Variants in GRHPR observed in about 807,000 individuals in gnomAD.
GRHPR encodes the protein glyoxylate and hydroxypyruvate reductase.
A neutral mutation model predicts 36.8 loss-of-function variants in GRHPR; 35 were observed. That is an observed-to-expected ratio of 0.95 (90% CI 0.73 to 1.26). The LOEUF is 1.26. Ranked by LOEUF, GRHPR falls within the 50% of genes most tolerant of loss-of-function variation. The probability of loss-of-function intolerance (pLI) is 0.00; values close to 1 mark genes in which losing one functional copy is unlikely to be tolerated. For synonymous variants in GRHPR, 179 were observed against 181.0 expected (o/e 0.99, Z 0.09); for missense variants, 380 against 435.0 (o/e 0.87, Z 1.12).
intron 4 of GRHPR, 85 bp from the exon 5 acceptor site, chr9:37,428,399 A>G (rs1823185181): frequency 1.1e-6 from 1 of 881,228 alleles, no homozygotes. Flanking sequence ...TATACCTTGG[A>G]CCACAGTCAG....
chr9:37,437,003 C>T (rs1016952157), downstream of GRHPR: 2 of 502,676 alleles, frequency 4.0e-6, no homozygotes, highest in African/African-American at 3.9e-5. Flanking sequence ...CCGTCTTGGC[C>T]TGTAAATGGG....
Position 37,435,508 on chromosome 9 carries a change from A to C in GRHPR, c.866-1153A>C, listed in dbSNP as rs145582246. 7.5e-4 allele frequency among the ~76,000 whole-genome samples: 114 copies of C among 152,232 alleles called. 1 individual carries two copies. The Middle Eastern group carries it at 0.014, about 18-fold the overall frequency. The stretch of plus-strand genomic sequence containing the variant: ...AAGCTCTGGTTTGGGGTCCATGTTC[A>C]TGCTGGCTCTCAGTTTGATCAGATG... On this transcript the variant is annotated intron_variant, in intron 8 of 8. Coordinates refer to ENST00000318158, the MANE Select transcript of GRHPR (RefSeq NM_012203.2).
At chr9:37,431,611 CA>C (rs1823371203) in intron 7 of GRHPR, 1 of 267,266 alleles carries the variant, frequency 3.7e-6, no homozygotes, top group East Asian at 9.6e-5. Context: ...GTCTGGGGGT[CA>C]ACCAGATCAG....
At chr9:37,431,836 A>C (rs1402593334) in intron 7 of GRHPR, 172 bp from the exon 8 acceptor site, 1 of 632,336 alleles carries the variant, frequency 1.6e-6, no homozygotes, top group African/African-American at 1.8e-5. Flanking sequence ...GCAGGGCTGG[A>C]GTTCTCTGAG....
intron 4 of GRHPR, among the ~76,000 whole-genome samples, chr9:37,427,377 C>T (rs1823130974): frequency 2.0e-5 from 3 of 152,096 alleles, no homozygotes; most frequent in Admixed American, 2.0e-4. Flanking sequence ...TGTGACTTTC[C>T]TAAGTTTTGC....
At chr9:37,426,099 G>C in intron 3 of GRHPR, 105 bp downstream of exon 3, 1 of 803,734 alleles carries the variant, frequency 1.2e-6, no homozygotes. Flanking sequence ...GCCATTCAGG[G>C]AGAATGTGAG....
At chr9:37,436,400 G>A (rs1554749559) in intron 8 of GRHPR, among the ~76,000 whole-genome samples, 1 of 152,162 alleles carries the variant, frequency 6.6e-6, no homozygotes, top group Non-Finnish European at 1.5e-5. Flanking sequence ...ATGAGCCACT[G>A]CGCCCAGCCC....
At position 37,428,534 on chromosome 9, in the gene GRHPR, C is replaced by T. The variant is rs747664983; in HGVS notation, c.455C>T (p.Thr152Met). Residue 152 changes from threonine to methionine, a missense_variant, in exon 5 of 9, where the codon ACG becomes ATG. Thr to Met is a moderately conservative substitution (Grantham distance 81). Coordinates refer to ENST00000318158, the MANE Select transcript of GRHPR (RefSeq NM_012203.2). The stretch of plus-strand genomic sequence containing the variant: ...CTCTGGCTGTGTGGCTATGGACTCA[C>T]GCAGAGCACTGTCGGCATCATCGGG... ...KPLWLCGYGL[T>M]QSTVGIIGLG... 9.3e-6 allele frequency: 15 copies of T among 1,611,948 alleles called. No homozygotes were observed. Among genetic ancestry groups the T allele is most frequent in the Middle Eastern group, 3.3e-4 (2 of 6,076 alleles).
At chr9:37,428,784 T>C (rs1483814920) in intron 5 of GRHPR, 1 of 685,760 alleles carries the variant, frequency 1.5e-6, no homozygotes, top group South Asian at 1.5e-5. Flanking sequence ...CACCAGGTGA[T>C]AAAAGCAAGT....
rs1478995937 is a variant in GRHPR at position 37,430,500 on chromosome 9, C to T, written c.599-11C>T. 6.2e-7 allele frequency: 1 copy of T among 1,611,660 alleles called. No individual in the cohort carries two copies. The highest frequency in any genetic ancestry group is 1.1e-5 in the South Asian group (1 of 91,042). ...GGACTCAGTGCCTGATGGAGTCCTG[C>T]CCTCCCTCAGTGTCTACCCCTGAGC... On this transcript the variant is annotated splice_polypyrimidine_tract_variant and intron_variant, in intron 6 of 8. Transcript: ENST00000318158.
intron 5 of GRHPR, 121 bp from the exon 6 acceptor site, chr9:37,429,611 A>AGGCAACTCGGGCTGTGCT (rs967993318): frequency 6.2e-5 from 48 of 779,918 alleles, no homozygotes; most frequent in Admixed American, 3.6e-4. Context: ...AGACAGGAGC[A>AGGCAACTCGGGCTGTGCT]GGCAACTCGG....
At position 37,436,893 on chromosome 9, in the gene GRHPR, G is replaced by C; in HGVS notation, c.*111G>C. The C allele has an allele frequency of 8.4e-7, 1 of 1,192,460 alleles. No homozygotes were observed. The highest frequency in any genetic ancestry group is 1.7e-5 in the Admixed American group (1 of 59,162). 73.9% of individuals were successfully genotyped at this position (1,192,460 alleles called of 1,614,324 possible). A position where few individuals can be genotyped will look rare whatever the true frequency, so the allele number is the denominator to read the frequency against. ...GAGCCAAGGGAAGGTGTGATTCTCT[G>C]AGGAAAGAGTGATTCTGATATATGT... On this transcript the variant is annotated 3_prime_UTR_variant, in exon 9 of 9. Coordinates refer to ENST00000318158, the MANE Select transcript of GRHPR (RefSeq NM_012203.2).
At chr9:37,428,911 A>G (rs370451439) in intron 5 of GRHPR, 64 of 417,864 alleles carry the variant, frequency 1.5e-4, no homozygotes, top group East Asian at 1.4e-3. Flanking sequence ...CCCGACACCT[A>G]CTCCGGCTTG....
At chr9:37,435,012 GAGGCCA>G (rs1823574015) in intron 8 of GRHPR, 1 of 152,390 alleles carries the variant, frequency 6.6e-6, no homozygotes, top group East Asian at 1.9e-4. Context: ...AGCACTTTAG[GAGGCCA>G]AGGCGGGAGG....
downstream of GRHPR, chr9:37,437,135 C>A (rs888151817): frequency 3.0e-6 from 1 of 333,600 alleles, no homozygotes; most frequent in Non-Finnish European, 5.8e-6. Flanking sequence ...TATAACCACT[C>A]TTTTTAAATC....
intron 8 of GRHPR, chr9:37,433,827 G>T: frequency 2.6e-6 from 1 of 380,416 alleles, no homozygotes; most frequent in Non-Finnish European, 4.6e-6. Context: ...AGTGATCAGG[G>T]CCTTAGGTTG....
At chr9:37,426,083 C>A (rs1165993147) in intron 3 of GRHPR, 89 bp downstream of exon 3, 10 of 895,272 alleles carry the variant, frequency 1.1e-5, no homozygotes, top group Non-Finnish European at 1.3e-5. Context: ...TACTGCATAT[C>A]CCTCGGCCAT....
rs1028582929 is a variant in GRHPR at position 37,429,743 on chromosome 9, G to C, written c.505G>C (p.Ala169Pro). Reference protein sequence around the residue: ...IGLGRIGQAIARRLKPFGVQR... With the variant: ...IGLGRIGQAIPRRLKPFGVQR... ...TCTCCTTGCTCTAGGCCAGGCCATT[G>C]CTCGGCGTCTGAAACCATTCGGTGT... Residue 169 changes from alanine to proline, a missense_variant, in exon 6 of 9, where the codon GCT (alanine) becomes CCT (proline). Ala to Pro is a conservative substitution (Grantham distance 27). Transcript: ENST00000318158. 2.5e-6 allele frequency: 4 copies of C among 1,611,656 alleles called. No homozygotes were observed. Among genetic ancestry groups the C allele is most frequent in the Non-Finnish European group, 3.4e-6 (4 of 1,177,662 alleles).
upstream of GRHPR, chr9:37,422,639 A>C (rs570226694): frequency 5.4e-5 from 47 of 863,674 alleles, 3 homozygotes; most frequent in South Asian, 6.0e-4. Context: ...CCCCCTGCGC[A>C]CGCCGCGCGC....
Sources: gnomAD v4.1 joint callset for allele counts (sites outside exome capture counted in the v4.1 genomes callset) on GRCh38, gnomAD v4.1.1 for gene constraint, MANE v1.5 for transcripts, NCBI Gene and HGNC (gene_info 2026-07-23, HGNC 2026-07-21) for gene names.